ALOX5: variants seen among roughly 807,000 people sequenced by gnomAD.
ALOX5 encodes the protein arachidonate 5-lipoxygenase.
Under a neutral mutation model 87.9 loss-of-function variants are expected in ALOX5, and 64 were observed. The ratio of observed to expected loss-of-function variants is 0.73; its 90% confidence interval spans 0.60 to 0.90. The LOEUF is 0.90. Ranked by LOEUF, ALOX5 falls within the 40% of genes least tolerant of loss-of-function variation. The pLI is 0.00. For synonymous variants in ALOX5, 388 were observed against 355.1 expected (o/e 1.09, Z -1.04); for missense variants, 822 against 907.5 (o/e 0.91, Z 1.21).
intron 2 of ALOX5, among the ~76,000 whole-genome samples, chr10:45,395,208 A>C (rs1440942166): frequency 6.6e-6 from 1 of 152,242 alleles, no homozygotes; most frequent in Non-Finnish European, 1.5e-5. Context: ...AACCAACCCA[A>C]ATGTCCATCA....
Position 45,435,002 on chromosome 10 carries a change from A to C in ALOX5, c.982-5428A>C, listed in dbSNP as rs1039331692. Among the ~76,000 whole-genome samples, 3 of 152,234 alleles carry C rather than the reference A, an allele frequency of 2.0e-5. No individual in the cohort carries two copies. In the South Asian group the frequency reaches 6.2e-4, roughly 31 times the overall value. ...GAAACGCAAAGCTACTTCCTTACCC[A>C]AAAAACAAATTTAAGAAACACAAAT... On this transcript the variant is annotated intron_variant, in intron 7 of 13. Coordinates refer to ENST00000374391, the MANE Select transcript of ALOX5 (RefSeq NM_000698.5).
intron 9 of ALOX5, 61 bp downstream of exon 9, chr10:45,441,491 C>G (rs1842233986): frequency 2.0e-6 from 3 of 1,519,114 alleles, no homozygotes; most frequent in Non-Finnish European, 2.7e-6. Context: ...CCTTCACTCC[C>G]TATCTGAGAT....
chr10:45,403,912 C>T (rs1454409261), intron 3 of ALOX5, among the ~76,000 whole-genome samples: 1 of 152,160 alleles, frequency 6.6e-6, no homozygotes, highest in Admixed American at 6.5e-5. Context: ...TGGCAAAGCC[C>T]CTGCAGCCAG....
intron 2 of ALOX5, among the ~76,000 whole-genome samples, chr10:45,384,043 G>A (rs1462490613): frequency 2.6e-5 from 4 of 152,282 alleles, no homozygotes; most frequent in Non-Finnish European, 5.9e-5. Flanking sequence ...TAACAAAGGG[G>A]CATCACAAAG....
intron 2 of ALOX5, among the ~76,000 whole-genome samples, chr10:45,394,423 T>C (rs1343539733): frequency 3.9e-5 from 6 of 152,204 alleles, no homozygotes; most frequent in Admixed American, 3.9e-4. Context: ...TGAAGCTGGA[T>C]CCCTTCCTTA....
chr10:45,388,916 C>T (rs772074609), intron 2 of ALOX5, among the ~76,000 whole-genome samples: 1 of 151,810 alleles, frequency 6.6e-6, no homozygotes, highest in Non-Finnish European at 1.5e-5. Flanking sequence ...GAAGTTGGAA[C>T]CCATCGCAAA....
intron 7 of ALOX5, among the ~76,000 whole-genome samples, chr10:45,438,629 T>A (rs1248393550): frequency 1.3e-5 from 2 of 152,118 alleles, no homozygotes; most frequent in Non-Finnish European, 1.5e-5. Flanking sequence ...ACAGATCAGG[T>A]ATCAGTGGCC....
At chr10:45,438,538 G>A (rs1404311876) in intron 7 of ALOX5, among the ~76,000 whole-genome samples, 1 of 152,016 alleles carries the variant, frequency 6.6e-6, no homozygotes, top group East Asian at 1.9e-4. Context: ...GTGTCCCAGA[G>A]CCATCAGGAA....
At chr10:45,377,357 C>T (rs1473199439) in intron 1 of ALOX5, among the ~76,000 whole-genome samples, 2 of 151,486 alleles carry the variant, frequency 1.3e-5, no homozygotes, top group Admixed American at 1.3e-4. Context: ...TCTGCCTCCT[C>T]TTCCTTCCCC....
chr10:45,410,076 G>C (rs74130818), intron 3 of ALOX5, among the ~76,000 whole-genome samples: 1 of 152,266 alleles, frequency 6.6e-6, no homozygotes, highest in African/African-American at 2.4e-5. Context: ...TGGCACAGAT[G>C]CCCTTGCATG....
At chr10:45,386,589 A>G (rs1164739912) in intron 2 of ALOX5, among the ~76,000 whole-genome samples, 4 of 152,038 alleles carry the variant, frequency 2.6e-5, no homozygotes, top group African/African-American at 9.7e-5. Context: ...TAAGAAAAAA[A>G]AAGACTTGGA....
rs1671967673 is a variant in ALOX5 at position 45,443,812 on chromosome 10, CG to C, written c.1660del (p.Val554SerfsTer30). ...TTCACCGCCTCCGCCCAGCACGCCG[CG>C]GTCAACTTCGGCCAGGTAGGCAGGG... ...VIFTASAQHA[A>X]VNFGQYDWCS... On this transcript the variant is annotated frameshift_variant, in exon 12 of 14. Coordinates refer to ENST00000374391, the MANE Select transcript of ALOX5 (RefSeq NM_000698.5). LOFTEE classifies it high-confidence loss of function. 6.2e-7 allele frequency: 1 copy of C among 1,607,436 alleles called. No individual in the cohort carries two copies. Among genetic ancestry groups the C allele is most frequent in the Non-Finnish European group, 8.5e-7 (1 of 1,177,450 alleles).
At chr10:45,389,044 A>G (rs1840105609) in intron 2 of ALOX5, among the ~76,000 whole-genome samples, 2 of 152,262 alleles carry the variant, frequency 1.3e-5, no homozygotes, top group Admixed American at 6.5e-5. Flanking sequence ...TATGTGACGA[A>G]TGCACAAGCT....
intron 7 of ALOX5, among the ~76,000 whole-genome samples, chr10:45,440,054 G>C (rs1412095395): frequency 3.3e-5 from 5 of 152,314 alleles, no homozygotes; most frequent in South Asian, 4.1e-4. Context: ...CAGTAGAAGA[G>C]GGAGCAGGGC....
At chr10:45,445,002 A>G (rs1284616063) in intron 13 of ALOX5, 2 of 155,908 alleles carry the variant, frequency 1.3e-5, no homozygotes, top group Non-Finnish European at 2.8e-5. Flanking sequence ...ATTTTTTTAA[A>G]ATGATATCTA....
At chr10:45,392,687 C>T (rs1360518014) in intron 2 of ALOX5, among the ~76,000 whole-genome samples, 1 of 150,458 alleles carries the variant, frequency 6.6e-6, no homozygotes, top group Admixed American at 6.6e-5. Context: ...CTGCGAGAAA[C>T]ACCCAAGAAT....
chr10:45,406,739 C>G (rs1358304033), intron 3 of ALOX5, among the ~76,000 whole-genome samples: 2 of 152,304 alleles, frequency 1.3e-5, no homozygotes, highest in African/African-American at 2.4e-5. Flanking sequence ...TGGTTCTAAT[C>G]ACTTGTTTTT....
At chr10:45,393,193 A>G (rs1488902978) in intron 2 of ALOX5, among the ~76,000 whole-genome samples, 2 of 152,350 alleles carry the variant, frequency 1.3e-5, no homozygotes, top group Admixed American at 6.5e-5. Context: ...ACATCGATGC[A>G]AAAATCCTCA....
rs189893153 is a variant in ALOX5 at position 45,425,600 on chromosome 10, A to G, written c.834+468A>G. Among the ~76,000 whole-genome samples the G allele has an allele frequency of 1.2e-3, 179 of 152,284 alleles. 1 individual carries two copies. Among genetic ancestry groups the G allele is most frequent in the African/African-American group, 3.8e-3 (159 of 41,558 alleles). On this transcript the variant is annotated intron_variant, in intron 6 of 13. Transcript: ENST00000374391. This position sits in a 1 kb window ranked among gnomAD's most constrained non-coding sequence, Gnocchi z 4.4. Reference sequence around the variant, plus strand: ...AGAATGGTTGATTTTCTCGTTAGAAATGCTGCTGCCCATGCTCCTGTCGCA... The same window carrying G: ...AGAATGGTTGATTTTCTCGTTAGAAGTGCTGCTGCCCATGCTCCTGTCGCA...
Sources: allele counts gnomAD v4.1 joint callset (sites outside exome capture counted in the v4.1 genomes callset), GRCh38; gene constraint gnomAD v4.1.1; non-coding constraint Gnocchi (gnomAD v3.1); transcripts MANE v1.5; gene names NCBI Gene and HGNC (gene_info 2026-07-23, HGNC 2026-07-21).